The following STXBP6 variants were observed in gnomAD, a reference collection of about 807,000 sequenced individuals.
STXBP6 encodes syntaxin-binding protein 6.
Under a neutral mutation model 26.9 loss-of-function variants are expected in STXBP6, and 21 were observed. That is an observed-to-expected ratio of 0.78 (90% CI 0.55 to 1.12). The LOEUF (loss-of-function observed/expected upper bound fraction) is 1.12, where lower values mean the gene tolerates loss of function less well. Among genes scored for constraint, STXBP6 ranks in the 50% most tolerant of loss-of-function variants. The pLI, the probability that STXBP6 is intolerant of heterozygous loss-of-function variation, is 0.00. For missense variants in STXBP6, 232 were observed against 257.9 expected, an observed-to-expected ratio of 0.90 and a Z score of 0.69; for synonymous variants, 97 against 92.6, an observed-to-expected ratio of 1.05 and a Z score of -0.27.
At chr14:24,881,239 A>T (rs534125142) in intron 2 of STXBP6, among the ~76,000 whole-genome samples, 15 of 151,934 alleles carry the variant, frequency 9.9e-5, no homozygotes, top group African/African-American at 3.6e-4. Flanking sequence ...CTTTCTCTAT[A>T]CTTTCTTGGA....
chr14:24,855,983 G>A lies in STXBP6; in HGVS notation c.404C>T (p.Thr135Met), dbSNP rs756593517. 1.6e-5 allele frequency: 25 copies of A among 1,610,292 alleles called. No homozygotes were observed. In the East Asian group the frequency reaches 1.6e-4, roughly 10 times the overall value. The change falls in exon 4 of 6, where the codon ACG becomes ATG. Residue 135 changes from threonine (T) to methionine (M), a missense_variant. Coordinates refer to ENST00000323944, the MANE Select transcript of STXBP6 (RefSeq NM_001394410.1). ...GTTAATAAACTCTGGCTTCCTGTCC[G>A]TGAGGTACCTCTGGCAGGTATGGTG... ...ILHHTCQRYL[T>M]DRKPEFINCQ...
chr14:24,907,081 G>GA (rs1213337301), intron 2 of STXBP6, among the ~76,000 whole-genome samples: 1 of 152,086 alleles, frequency 6.6e-6, no homozygotes, highest in Non-Finnish European at 1.5e-5. Context: ...CAGTTGGAAG[G>GA]AATATGTTCT....
At chr14:24,835,828 T>C (rs1247194182) in intron 4 of STXBP6, among the ~76,000 whole-genome samples, 6 of 152,240 alleles carry the variant, frequency 3.9e-5, no homozygotes, top group Non-Finnish European at 8.8e-5. Flanking sequence ...CCATTTTCCT[T>C]TTCTCTTACC....
chr14:24,832,574 G>T (rs2068487488), intron 4 of STXBP6, among the ~76,000 whole-genome samples: 2 of 152,112 alleles, frequency 1.3e-5, no homozygotes, highest in Admixed American at 1.3e-4. Flanking sequence ...CATGTATCTT[G>T]TTTGGTTACT....
intron 1 of STXBP6, among the ~76,000 whole-genome samples, chr14:24,982,760 G>T (rs1418458452): frequency 6.6e-6 from 1 of 152,134 alleles, no homozygotes; most frequent in Non-Finnish European, 1.5e-5. Flanking sequence ...CATTCTTCTT[G>T]TAAGTCTGAT....
intron 4 of STXBP6, among the ~76,000 whole-genome samples, chr14:24,827,508 A>C (rs1270429544): frequency 6.6e-6 from 1 of 151,348 alleles, no homozygotes; most frequent in South Asian, 2.1e-4. Context: ...CTGTTCACCT[A>C]CTCTTCTACT....
intron 1 of STXBP6, among the ~76,000 whole-genome samples, chr14:24,982,696 A>T (rs1022431678): frequency 5.3e-5 from 8 of 152,222 alleles, no homozygotes; most frequent in African/African-American, 1.7e-4. Flanking sequence ...TGCTTCAACT[A>T]TAAACCTAGA....
At chr14:25,006,162 C>T (rs1055997488) in intron 1 of STXBP6, among the ~76,000 whole-genome samples, 1 of 152,188 alleles carries the variant, frequency 6.6e-6, no homozygotes, top group Non-Finnish European at 1.5e-5. Flanking sequence ...GTTCCTCTTC[C>T]TCACGCTGAA....
At chr14:25,024,308 C>CA (rs201709869) in intron 1 of STXBP6, among the ~76,000 whole-genome samples, 13,377 of 123,000 alleles carry the variant, frequency 0.11, 660 homozygotes, top group East Asian at 0.18. Context: ...GACTCTGACT[C>CA]AAAAAAAAAA....
intron 1 of STXBP6, among the ~76,000 whole-genome samples, chr14:24,997,796 T>C (rs1595282594): frequency 6.6e-6 from 1 of 152,156 alleles, no homozygotes; most frequent in Non-Finnish European, 1.5e-5. Flanking sequence ...TTCACACATA[T>C]GGAAAATTCA....
At chr14:24,832,884 C>T (rs1260793835) in intron 4 of STXBP6, among the ~76,000 whole-genome samples, 1 of 152,176 alleles carries the variant, frequency 6.6e-6, no homozygotes, top group East Asian at 1.9e-4. Context: ...TAAGTGACTA[C>T]CATGCGCCAG....
At chr14:24,858,414 T>A (rs1222651310) in intron 2 of STXBP6, among the ~76,000 whole-genome samples, 2 of 152,164 alleles carry the variant, frequency 1.3e-5, no homozygotes, top group African/African-American at 4.8e-5. Context: ...ATCTACTCTC[T>A]CTGCTTCCAA....
chr14:24,989,058 T>C (rs780541482), intron 1 of STXBP6, among the ~76,000 whole-genome samples: 4 of 152,204 alleles, frequency 2.6e-5, no homozygotes, highest in Admixed American at 1.3e-4. Flanking sequence ...ATATACTTCA[T>C]GTAAAACATA....
At chr14:24,899,803 A>AAAGC (rs2071143785) in intron 2 of STXBP6, among the ~76,000 whole-genome samples, 52 of 80,072 alleles carry the variant, frequency 6.5e-4, no homozygotes, top group Non-Finnish European at 8.0e-4. Flanking sequence ...AAAAAAAGCA[A>AAAGC]AAAAAAAAAA....
chr14:24,909,488 A>C (rs2071493107), intron 2 of STXBP6, among the ~76,000 whole-genome samples: 1 of 152,126 alleles, frequency 6.6e-6, no homozygotes, highest in Non-Finnish European at 1.5e-5. Flanking sequence ...TTTAGAAAAT[A>C]AAACTGTTAA....
chr14:25,005,683 C>T lies in STXBP6; in HGVS notation c.-32-30833G>A, dbSNP rs577998808. 1.2e-4 allele frequency among the ~76,000 whole-genome samples: 18 copies of T among 151,784 alleles called. No homozygotes were observed. The South Asian group carries it at 3.5e-3, about 30-fold the overall frequency. ...TTGCAAAAATTGCATAAAAGGGATT[C>T]GAACTCTCTAAAAGTCTCTATACAA... On this transcript the variant is annotated intron_variant, in intron 1 of 5. Transcript: ENST00000323944.
intron 2 of STXBP6, among the ~76,000 whole-genome samples, chr14:24,883,302 CA>C (rs1175764404): frequency 6.6e-6 from 1 of 151,856 alleles, no homozygotes; most frequent in African/African-American, 2.4e-5. Flanking sequence ...TTTAGATTTA[CA>C]AAAAAGTGGT....
chr14:24,838,893 A>G (rs2068704920), intron 4 of STXBP6, among the ~76,000 whole-genome samples: 1 of 152,180 alleles, frequency 6.6e-6, no homozygotes, highest in South Asian at 2.1e-4. Flanking sequence ...TTTCTAAGAG[A>G]TTTAAATTGT....
intron 4 of STXBP6, among the ~76,000 whole-genome samples, chr14:24,854,393 G>A (rs941125612): frequency 3.3e-5 from 5 of 152,062 alleles, no homozygotes; most frequent in Non-Finnish European, 7.4e-5. Context: ...TGCTTGAGGG[G>A]AGTCTTTCTC....
Sources: gnomAD v4.1 joint callset for allele counts (sites outside exome capture counted in the v4.1 genomes callset) on GRCh38, gnomAD v4.1.1 for gene constraint, MANE v1.5 for transcripts, NCBI Gene and HGNC (gene_info 2026-07-23, HGNC 2026-07-21) for gene names.